TNRC6A: variants seen among roughly 807,000 people sequenced by gnomAD.
TNRC6A encodes trinucleotide repeat containing adaptor 6A, also known as trinucleotide repeat-containing gene 6A protein.
Under a neutral mutation model 221.2 loss-of-function variants are expected in TNRC6A, and 44 were observed. The ratio of observed to expected loss-of-function variants is 0.20; its 90% CI spans 0.16 to 0.26. The LOEUF (loss-of-function observed/expected upper bound fraction) is 0.26, where lower values mean the gene tolerates loss of function less well. Among genes scored for constraint, TNRC6A ranks in the 10% least tolerant of loss-of-function variants. TNRC6A has a pLI of 1.00. For synonymous variants in TNRC6A, 847 were observed against 838.5 expected, an observed-to-expected ratio of 1.01 and a Z score of -0.18; for missense variants, 2,199 against 2,404.4, an observed-to-expected ratio of 0.91 and a Z score of 1.79.
intron 2 of TNRC6A, among the ~76,000 whole-genome samples, chr16:24,674,694 CCACACACACACACACACA>C (rs3219528): frequency 5.5e-5 from 8 of 146,272 alleles, no homozygotes; most frequent in South Asian, 2.2e-4. Flanking sequence ...ACTGCCCCCA[CCACACACACACACACACA>C]CACACACACA....
At position 24,712,907 on chromosome 16, in the gene TNRC6A, C is replaced by CTGTGTG. The variant is rs61198955; in HGVS notation, n.403-37773_403-37768dup. 6.2e-3 allele frequency among the ~76,000 whole-genome samples: 786 copies of CTGTGTG among 126,702 alleles called. 10 individuals are homozygous for CTGTGTG. The highest frequency in any genetic ancestry group is 0.023 in the African/African-American group (721 of 31,052). The allele number at this position is 126,702 out of a possible 152,430, so 83.1% of individuals were successfully genotyped here. A position where few individuals can be genotyped will look rare whatever the true frequency, so the allele number is the denominator to read the frequency against. On this transcript the variant is annotated intron_variant and non_coding_transcript_variant, in intron 2 of 2. Transcript: ENST00000566108. ...AATTTGGGGCCATAGTTATGTGCCA[C>CTGTGTG]TGTGTGTGTGTGTGTGTGTGTGTGT...
chr16:24,688,815 A>G (rs536204203), intron 2 of TNRC6A, among the ~76,000 whole-genome samples: 48 of 152,352 alleles, frequency 3.2e-4, no homozygotes, highest in African/African-American at 1.1e-3. Context: ...CACTGGGTCA[A>G]ATCAGACTTG....
At chr16:24,656,999 T>G (rs187125040) in intron 2 of TNRC6A, among the ~76,000 whole-genome samples, 1 of 152,034 alleles carries the variant, frequency 6.6e-6, no homozygotes, top group Non-Finnish European at 1.5e-5. Context: ...ACCTGGGTCT[T>G]TGATAAGATC....
chr16:24,728,714 G>T (rs1224749741), upstream of TNRC6A, among the ~76,000 whole-genome samples: 3 of 152,130 alleles, frequency 2.0e-5, no homozygotes, highest in East Asian at 5.8e-4. Flanking sequence ...ATGTCTTATT[G>T]TATCTACATG....
Position 24,729,793 on chromosome 16 carries a change from C to A in TNRC6A, c.-49C>A. Reference sequence around the variant, plus strand: ...CCGCGGCGCTGCGGAGGGCTTGAGGCTCGCGAGCCTCCTTCGCCGCGCCCC... The same window carrying A: ...CCGCGGCGCTGCGGAGGGCTTGAGGATCGCGAGCCTCCTTCGCCGCGCCCC... On this transcript the variant is annotated 5_prime_UTR_variant, in exon 1 of 25. Coordinates refer to ENST00000395799, the MANE Select transcript of TNRC6A (RefSeq NM_014494.4). 7.1e-7 allele frequency: 1 copy of A among 1,404,744 alleles called. No homozygotes were observed. The highest frequency in any genetic ancestry group is 2.7e-5 in the Admixed American group (1 of 36,792). 87.0% of individuals were successfully genotyped at this position (1,404,744 alleles called of 1,614,324 possible).
intron 2 of TNRC6A, among the ~76,000 whole-genome samples, chr16:24,679,201 T>G (rs1028298117): frequency 6.6e-6 from 1 of 152,086 alleles, no homozygotes; most frequent in Non-Finnish European, 1.5e-5. Flanking sequence ...TTTCTCCATG[T>G]TAGTCAGGCT....
intron 3 of TNRC6A, among the ~76,000 whole-genome samples, chr16:24,756,698 G>A (rs1235116054): frequency 6.6e-6 from 1 of 152,060 alleles, no homozygotes; most frequent in Non-Finnish European, 1.5e-5. Flanking sequence ...TCGCCATATT[G>A]GCCAGGCTGG....
At chr16:24,644,568 A>G (rs1391733010) in intron 2 of TNRC6A, among the ~76,000 whole-genome samples, 1 of 151,924 alleles carries the variant, frequency 6.6e-6, no homozygotes, top group Non-Finnish European at 1.5e-5. Flanking sequence ...AGCTAGGACT[A>G]CAGGTTCATG....
intron 1 of TNRC6A, among the ~76,000 whole-genome samples, chr16:24,630,073 AT>A (rs1901254242): frequency 6.6e-6 from 1 of 152,172 alleles, no homozygotes; most frequent in Non-Finnish European, 1.5e-5. Flanking sequence ...CTCACTTACT[AT>A]TTAATTGTGA....
chr16:24,655,877 C>T (rs1055381387), intron 2 of TNRC6A, among the ~76,000 whole-genome samples: 11 of 151,928 alleles, frequency 7.2e-5, no homozygotes, highest in African/African-American at 2.7e-4. Context: ...CCCTGGCTCA[C>T]ACCTGTAATC....
Position 24,715,889 on chromosome 16 carries a change from G to A in TNRC6A, n.403-34837G>A, listed in dbSNP as rs939597113. Reference sequence around the variant, plus strand: ...GCCCACCTTGGCCTCCCAAAGTGCCGGGATTACAGGCATGAGCCACTGTGC... The same window carrying A: ...GCCCACCTTGGCCTCCCAAAGTGCCAGGATTACAGGCATGAGCCACTGTGC... On this transcript the variant is annotated intron_variant and non_coding_transcript_variant, in intron 2 of 2. Coordinates refer to the TNRC6A transcript ENST00000566108. Among the ~76,000 whole-genome samples the A allele has an allele frequency of 7.2e-5, 11 of 152,086 alleles. No homozygotes were observed. In the East Asian group the frequency reaches 1.2e-3, roughly 16 times the overall value.
intron 2 of TNRC6A, among the ~76,000 whole-genome samples, chr16:24,716,406 C>T (rs1162432839): frequency 4.6e-5 from 7 of 152,080 alleles, no homozygotes; most frequent in African/African-American, 1.2e-4. Context: ...CAGTGGCTCA[C>T]GCCTGGAATC....
Position 24,825,938 on chromosome 16 carries a change from T to C in TNRC6A, c.*2131T>C, listed in dbSNP as rs576382001. The C allele has an allele frequency of 6.5e-6, 1 of 152,822 alleles. No individual in the cohort carries two copies. Among genetic ancestry groups the C allele is most frequent in the African/African-American group, 2.4e-5 (1 of 41,598 alleles). 9.5% of individuals were successfully genotyped at this position (152,822 alleles called of 1,614,324 possible). On this transcript the variant is annotated 3_prime_UTR_variant, in exon 25 of 25. Coordinates refer to ENST00000395799, the MANE Select transcript of TNRC6A (RefSeq NM_014494.4). Reference sequence around the variant, plus strand: ...GATTTCAGTGTATGACTTCAGATCATGCTCCAACTTGCCAGGTGTGAGCTA... The same window carrying C: ...GATTTCAGTGTATGACTTCAGATCACGCTCCAACTTGCCAGGTGTGAGCTA...
chr16:24,705,147 C>T (rs950646817), intron 2 of TNRC6A, among the ~76,000 whole-genome samples: 17 of 151,974 alleles, frequency 1.1e-4, no homozygotes, highest in African/African-American at 4.1e-4. Flanking sequence ...CAGCAACAAC[C>T]CTTTGAGCTA....
rs553200089 is a variant in TNRC6A at position 24,620,075 on chromosome 16, G to A, written n.276+9591G>A. Among the ~76,000 whole-genome samples, 10 of 152,062 alleles carry A rather than the reference G, an allele frequency of 6.6e-5. 1 individual carries two copies. In the South Asian group the frequency reaches 2.1e-3, roughly 32 times the overall value. ...GAGGATCACTTGAGCCCGGGAATTT[G>A]AGGCTGCACTGAGCTATGATTGTAC... On this transcript the variant is annotated intron_variant and non_coding_transcript_variant, in intron 1 of 2. Coordinates refer to the TNRC6A transcript ENST00000566108.
chr16:24,809,704 G>C (rs929358479), intron 18 of TNRC6A, among the ~76,000 whole-genome samples: 13 of 152,142 alleles, frequency 8.5e-5, no homozygotes, highest in African/African-American at 3.1e-4. Flanking sequence ...GAGATCAGAT[G>C]ATACATGTTT....
intron 2 of TNRC6A, among the ~76,000 whole-genome samples, chr16:24,724,118 A>G (rs1355952732): frequency 2.6e-5 from 4 of 152,246 alleles, no homozygotes; most frequent in African/African-American, 7.2e-5. Context: ...ATCCATGATT[A>G]TCATGTTGGG....
chr16:24,744,311 A>G (rs2056955806), intron 2 of TNRC6A, among the ~76,000 whole-genome samples: 2 of 152,056 alleles, frequency 1.3e-5, no homozygotes, highest in Non-Finnish European at 1.5e-5. Context: ...CAAAGTTAGT[A>G]TTTTTCCCTT....
At chr16:24,688,566 G>T (rs992828491) in intron 2 of TNRC6A, among the ~76,000 whole-genome samples, 2 of 152,178 alleles carry the variant, frequency 1.3e-5, no homozygotes, top group African/African-American at 4.8e-5. Flanking sequence ...CATGGCATTT[G>T]CCTAGAGATA....
Sources: allele counts gnomAD v4.1 joint callset (sites outside exome capture counted in the v4.1 genomes callset), GRCh38; gene constraint gnomAD v4.1.1; transcripts MANE v1.5; gene names NCBI Gene and HGNC (gene_info 2026-07-23, HGNC 2026-07-21).